The following MTUS2 variants were observed in gnomAD, a reference collection of about 807,000 sequenced individuals.
MTUS2 encodes microtubule-associated tumor suppressor candidate 2.
A neutral mutation model predicts 114.1 loss-of-function variants in MTUS2; 40 were observed. The observed-to-expected ratio is 0.35, with a 90% CI of 0.27 to 0.46. The LOEUF (loss-of-function observed/expected upper bound fraction) is 0.46. Among genes scored for constraint, MTUS2 ranks in the 20% least tolerant of loss-of-function variants. The pLI, the probability that MTUS2 is intolerant of heterozygous loss-of-function variation, is 1.00. For missense variants in MTUS2, 1,679 were observed against 1,705.4 expected, an observed-to-expected ratio of 0.98 and a Z score of 0.27; for synonymous variants, 688 against 672.0, an observed-to-expected ratio of 1.02 and a Z score of -0.37.
intron 5 of MTUS2, among the ~76,000 whole-genome samples, chr13:29,222,263 CTGTT>C (rs1338013688): frequency 1.8e-4 from 28 of 152,136 alleles, no homozygotes; most frequent in African/African-American, 5.1e-4. Context: ...TGTAGTCTGT[CTGTT>C]TATCACTGTA....
intron 7 of MTUS2, among the ~76,000 whole-genome samples, chr13:29,335,182 C>T (rs1346116033): frequency 1.3e-5 from 2 of 152,048 alleles, no homozygotes; most frequent in African/African-American, 2.4e-5. Context: ...AAAGAGAATG[C>T]GTCCCTAAGG....
At chr13:29,181,129 GT>G (rs1893985768) in intron 5 of MTUS2, among the ~76,000 whole-genome samples, 1 of 152,120 alleles carries the variant, frequency 6.6e-6, no homozygotes, top group African/African-American at 2.4e-5. Flanking sequence ...AGAGCTGGTA[GT>G]GGGTGATGCT....
At chr13:29,385,566 G>A (rs538292524) in intron 8 of MTUS2, among the ~76,000 whole-genome samples, 1 of 152,240 alleles carries the variant, frequency 6.6e-6, no homozygotes, top group African/African-American at 2.4e-5. Context: ...TCCATCCTTG[G>A]CAGTTGCCCC....
chr13:29,376,880 A>C (rs1044410389), intron 8 of MTUS2, among the ~76,000 whole-genome samples: 1 of 152,216 alleles, frequency 6.6e-6, no homozygotes, highest in African/African-American at 2.4e-5. Flanking sequence ...TGTCAACAAG[A>C]AACTGGCTTC....
At chr13:29,306,134 AC>A (rs1420384866) in intron 6 of MTUS2, among the ~76,000 whole-genome samples, 1 of 152,240 alleles carries the variant, frequency 6.6e-6, no homozygotes. Context: ...GAAGGAACAT[AC>A]CTCAGAATAA....
At chr13:29,089,757 T>C (rs1438631102) in intron 4 of MTUS2, among the ~76,000 whole-genome samples, 1 of 152,242 alleles carries the variant, frequency 6.6e-6, no homozygotes, top group East Asian at 1.9e-4. Flanking sequence ...TATTGCATTA[T>C]GAAATTCCTG....
In MTUS2 at chr13:28,844,702, C is replaced by T. The variant is rs997934627; in HGVS notation, c.-243+4852C>T. On this transcript the variant is annotated intron_variant, in intron 2 of 15. Transcript: ENST00000612955. Reference sequence around the variant, plus strand: ...CATGATCTAGGCTCACTGCAACCTCCGCCTCCTAGGCTCAGGTAATTCTCA... The same window carrying T: ...CATGATCTAGGCTCACTGCAACCTCTGCCTCCTAGGCTCAGGTAATTCTCA... 5.3e-5 allele frequency among the ~76,000 whole-genome samples: 8 copies of T among 152,070 alleles called. No individual in the cohort carries two copies. In the South Asian group the frequency reaches 6.2e-4, roughly 12 times the overall value.
At chr13:29,472,292 G>A (rs1306330437) in intron 9 of MTUS2, among the ~76,000 whole-genome samples, 2 of 152,154 alleles carry the variant, frequency 1.3e-5, no homozygotes, top group Non-Finnish European at 2.9e-5. Flanking sequence ...AAAGTGCTGG[G>A]ATTACAGGCG....
At chr13:28,952,905 T>C (rs1450996761) in intron 2 of MTUS2, among the ~76,000 whole-genome samples, 4 of 152,252 alleles carry the variant, frequency 2.6e-5, no homozygotes. Flanking sequence ...ACATTCTTTT[T>C]GTACTGGTAT....
intron 3 of MTUS2, 74 bp from the exon 4 acceptor site, chr13:29,033,811 G>A (rs17072576): frequency 0.062 from 97,120 of 1,566,082 alleles, 3,482 homozygotes; most frequent in Middle Eastern, 0.081. Context: ...GTTCAGCCTC[G>A]GTCTCGTGGT....
intron 6 of MTUS2, among the ~76,000 whole-genome samples, chr13:29,317,050 G>T (rs199958296): frequency 1.3e-5 from 2 of 152,092 alleles, no homozygotes; most frequent in East Asian, 3.8e-4. Flanking sequence ...TCACTCTTCT[G>T]TCCTTATCTT....
At chr13:29,244,764 G>A (rs1896850713) in intron 5 of MTUS2, among the ~76,000 whole-genome samples, 1 of 151,310 alleles carries the variant, frequency 6.6e-6, no homozygotes, top group South Asian at 2.1e-4. Flanking sequence ...AGACCATCCC[G>A]GCTAAAACGG....
chr13:28,996,551 TATTA>T (rs1237715886), intron 2 of MTUS2, among the ~76,000 whole-genome samples: 3 of 152,190 alleles, frequency 2.0e-5, no homozygotes, highest in African/African-American at 7.2e-5. Context: ...GTTGGTAAGC[TATTA>T]ATTATTGCCT....
intron 5 of MTUS2, among the ~76,000 whole-genome samples, chr13:29,220,730 A>G (rs572661109): frequency 1.6e-4 from 24 of 152,312 alleles, no homozygotes; most frequent in African/African-American, 5.1e-4. Context: ...ATATAATAAC[A>G]ATGAAAAAGT....
At chr13:29,418,710 A>G (rs989617739) in intron 8 of MTUS2, among the ~76,000 whole-genome samples, 4 of 152,176 alleles carry the variant, frequency 2.6e-5, no homozygotes, top group Non-Finnish European at 4.4e-5. Context: ...GATCTGACTT[A>G]CATAGAAGAA....
At chr13:29,139,039 CTTTT>C (rs569683749) in intron 5 of MTUS2, among the ~76,000 whole-genome samples, 2 of 141,930 alleles carry the variant, frequency 1.4e-5, no homozygotes, top group African/African-American at 5.1e-5. Flanking sequence ...TTCCTCCTGT[CTTTT>C]TTTTTTTTTT....
chr13:29,272,596 C>T (rs542790600), intron 5 of MTUS2, among the ~76,000 whole-genome samples: 10 of 152,272 alleles, frequency 6.6e-5, no homozygotes, highest in Admixed American at 2.0e-4. Flanking sequence ...CTCACTCGAA[C>T]GTCAGTCACA....
chr13:29,428,971 T>C, intron 8 of MTUS2: 1 of 1,438,600 alleles, frequency 7.0e-7, no homozygotes, highest in African/African-American at 1.4e-5. Flanking sequence ...GCCAGCCACC[T>C]CGGTGCCTGT....
At chr13:29,086,544 A>G (rs915680679) in intron 4 of MTUS2, among the ~76,000 whole-genome samples, 3 of 152,182 alleles carry the variant, frequency 2.0e-5, no homozygotes, top group African/African-American at 7.2e-5. Flanking sequence ...TATAGTTTGA[A>G]GTTGAATAGT....
Sources: allele counts gnomAD v4.1 joint callset (sites outside exome capture counted in the v4.1 genomes callset), GRCh38; gene constraint gnomAD v4.1.1; transcripts MANE v1.5; gene names NCBI Gene and HGNC (gene_info 2026-07-23, HGNC 2026-07-21).